Variants in NR2E1 observed in about 807,000 individuals in gnomAD.
NR2E1 encodes the protein nuclear receptor subfamily 2 group E member 1, also known as nuclear receptor TLX.
NR2E1 carries 5 observed loss-of-function variants against 43.6 expected under a neutral mutation model. That is an observed-to-expected ratio of 0.11 (90% CI 0.06 to 0.24). The LOEUF is 0.24. Ranked by LOEUF, NR2E1 falls within the 10% of genes least tolerant of loss-of-function variation. NR2E1 has a pLI of 1.00. For synonymous variants in NR2E1, 191 were observed against 195.5 expected (o/e 0.98, Z 0.19); for missense variants, 287 against 496.7 (o/e 0.58, Z 4.01).
intron 1 of NR2E1, chr6:108,168,963 T>C (rs1001775925): frequency 6.6e-6 from 1 of 152,240 alleles, no homozygotes; most frequent in East Asian, 1.9e-4. Context: ...TTTAGGCAAT[T>C]ATGACACACA....
At position 108,166,603 on chromosome 6, in the gene NR2E1, G is replaced by T. The variant is rs907740313; in HGVS notation, c.-163G>T. The T allele has an allele frequency of 1.6e-5, 9 of 548,296 alleles. No homozygotes were observed. Among genetic ancestry groups the T allele is most frequent in the African/African-American group, 1.4e-4 (7 of 49,096 alleles). The allele number at this position is 548,296 out of a possible 1,614,324, so 34.0% of individuals were successfully genotyped here. A position where few individuals can be genotyped will look rare whatever the true frequency, so the allele number is the denominator to read the frequency against. ...TTCCACTGTTGGACGAATTCTGAGCGCCCAGGGAGCAGCGCAGCGCGCGAC... is the reference window on the plus strand; with the variant it reads ...TTCCACTGTTGGACGAATTCTGAGCTCCCAGGGAGCAGCGCAGCGCGCGAC... On this transcript the variant is annotated 5_prime_UTR_variant, in exon 1 of 9. Coordinates refer to ENST00000368986, the MANE Select transcript of NR2E1 (RefSeq NM_003269.5). This position sits in a 1 kb window ranked among gnomAD's most constrained non-coding sequence, Gnocchi z 7.2.
At chr6:108,171,708 C>G in intron 2 of NR2E1, 105 bp downstream of exon 2, 1 of 1,401,754 alleles carries the variant, frequency 7.1e-7, no homozygotes, top group Non-Finnish European at 1.0e-6. Context: ...AGGAGAGACC[C>G]GGCCCTGACC....
rs527581664 is a variant in NR2E1, at chr6:108,178,323, C to T, written c.642+82C>T. The T allele has an allele frequency of 8.1e-4, 1,169 of 1,446,280 alleles. 3 individuals are homozygous for T. The highest frequency in any genetic ancestry group is 5.6e-4 in the Non-Finnish European group (576 of 1,031,802). The allele number at this position is 1,446,280 out of a possible 1,614,324, so 89.6% of individuals were successfully genotyped here. A position where few individuals can be genotyped will look rare whatever the true frequency, so the allele number is the denominator to read the frequency against. On this transcript the variant is annotated intron_variant, in intron 5 of 8. Coordinates refer to ENST00000368986, the MANE Select transcript of NR2E1 (RefSeq NM_003269.5). ...CAGCCTTATAAAACTTCCTCTATCC[C>T]TGGGTAAACCACCCAAGGCAGGCAT...
Position 108,184,315 on chromosome 6 carries a change from G to A in NR2E1, c.995+2664G>A, listed in dbSNP as rs1487770965. Among the ~76,000 whole-genome samples, 10 of 152,292 alleles carry A rather than the reference G, an allele frequency of 6.6e-5. No homozygotes were observed. In the South Asian group the frequency reaches 1.5e-3, roughly 22 times the overall value. On this transcript the variant is annotated intron_variant, in intron 8 of 8. Transcript: ENST00000368986. ...TTAAGAACTTAAAAATGAGAAGGAC[G>A]TGGTATCCAGTTATTGATCCAGTCA...
At chr6:108,175,608 G>C (rs1437121293) in intron 3 of NR2E1, among the ~76,000 whole-genome samples, 1 of 152,198 alleles carries the variant, frequency 6.6e-6, no homozygotes, top group Non-Finnish European at 1.5e-5. Context: ...CCTGGAGCAC[G>C]GTCCGAGCTG....
At chr6:108,173,412 A>T (rs931731023) in intron 2 of NR2E1, among the ~76,000 whole-genome samples, 2 of 152,212 alleles carry the variant, frequency 1.3e-5, no homozygotes, top group Non-Finnish European at 2.9e-5. Context: ...GGACCCAAAA[A>T]TTATCTCCTT....
At chr6:108,176,851 G>C (rs1030276736) in intron 4 of NR2E1, 113 bp downstream of exon 4, 1 of 1,019,658 alleles carries the variant, frequency 9.8e-7, no homozygotes, top group South Asian at 1.6e-5. Context: ...AGAACTCCAG[G>C]GTGCTTGGCG....
Position 108,178,222 on chromosome 6 carries a change from C to T in NR2E1, c.623C>T (p.Thr208Met), listed in dbSNP as rs1341031729. Residue 208 changes from threonine to methionine, a missense_variant, in exon 5 of 9, where the codon ACG becomes ATG. By Grantham distance (81) the Thr-to-Met change is moderately conservative (BLOSUM62 -1). Coordinates refer to ENST00000368986, the MANE Select transcript of NR2E1 (RefSeq NM_003269.5). ...KWAKSVPAFS[T>M]LSLQDQLMLL... is the part of the protein sequence containing the mutation. ...GCTAAGAGTGTGCCAGCCTTCTCCA[C>T]GCTGTCTTTGCAAGACCAGGTATGA... 11 of 1,613,976 alleles carry T rather than the reference C, an allele frequency of 6.8e-6. No individual in the cohort carries two copies. The highest frequency in any genetic ancestry group is 3.3e-5 in the South Asian group (3 of 91,084).
intron 3 of NR2E1, among the ~76,000 whole-genome samples, chr6:108,175,180 G>A (rs1773876257): frequency 6.6e-6 from 1 of 152,148 alleles, no homozygotes; most frequent in African/African-American, 2.4e-5. Context: ...CACAGGCAGC[G>A]CTTGGGGGGA....
Position 108,176,656 on chromosome 6 carries a change from A to G in NR2E1, c.413A>G (p.Glu138Gly). The G allele has an allele frequency of 6.2e-7, 1 of 1,606,826 alleles. No homozygotes were observed. The highest frequency in any genetic ancestry group is 1.1e-5 in the South Asian group (1 of 90,610). Residue 138 changes from glutamate to glycine, a missense_variant, in exon 4 of 9, where the codon GAG (glutamate) becomes GGG (glycine). Coordinates refer to ENST00000368986, the MANE Select transcript of NR2E1 (RefSeq NM_003269.5). Reference sequence around the variant, plus strand: ...TTCTTCACCGCGGTCACGCAGCTGGAGCCGCACGGCCTGGAGCTGGCCGCG... The same window carrying G: ...TTCTTCACCGCGGTCACGCAGCTGGGGCCGCACGGCCTGGAGCTGGCCGCG... ...PAFFTAVTQL[E>G]PHGLELAAVS...
At position 108,185,532 on chromosome 6, in the gene NR2E1, T is replaced by C. The variant is rs1381485423; in HGVS notation, c.996-1769T>C. ...CTCAAGCAATTCTCCCACCTCTGCC[T>C]TCTGAGTATCTGGGACTACAGGTGC... On this transcript the variant is annotated intron_variant, in intron 8 of 8. Transcript: ENST00000368986. Among the ~76,000 whole-genome samples, 3 of 152,070 alleles carry C rather than the reference T, an allele frequency of 2.0e-5. No individual in the cohort carries two copies. The East Asian group carries it at 5.8e-4, about 29-fold the overall frequency.
rs373783447 is a variant in NR2E1 at position 108,185,379 on chromosome 6, AACAC to A, written c.996-1907_996-1904del. ...TTGATTAGTCAGACCTTCTCTCTCT[AACAC>A]ACACACACACACACGCACACACACA... On this transcript the variant is annotated intron_variant, in intron 8 of 8. Transcript: ENST00000368986. Among the ~76,000 whole-genome samples, 1,126 of 134,686 alleles carry A rather than the reference AACAC, an allele frequency of 8.4e-3. 12 individuals carry two copies. Among genetic ancestry groups the A allele is most frequent in the African/African-American group, 0.029 (976 of 34,212 alleles). The allele number at this position is 134,686 out of a possible 152,430, so 88.4% of individuals were successfully genotyped here.
chr6:108,175,383 C>T (rs1310194406), intron 3 of NR2E1, among the ~76,000 whole-genome samples: 2 of 152,226 alleles, frequency 1.3e-5, no homozygotes, highest in African/African-American at 4.8e-5. Flanking sequence ...CGCGAAAACG[C>T]GGAATTTCCA....
At chr6:108,168,398 A>T (rs1773749270) in intron 1 of NR2E1, among the ~76,000 whole-genome samples, 1 of 152,116 alleles carries the variant, frequency 6.6e-6, no homozygotes, top group Non-Finnish European at 1.5e-5. Flanking sequence ...GGGGCCCTTG[A>T]AAGGTGAGGC....
chr6:108,169,347 C>T lies in NR2E1; in HGVS notation c.26-2111C>T, dbSNP rs1306224371. Among the ~76,000 whole-genome samples the T allele has an allele frequency of 1.3e-5, 2 of 152,210 alleles. No individual in the cohort carries two copies. Among genetic ancestry groups the T allele is most frequent in the Admixed American group, 1.3e-4 (2 of 15,284 alleles). ...GGCGGGGGAATCCGAGGAGGGGCCCCCACCCTGCACTGGTCTTCCCTCCAC... is the reference window on the plus strand; with the variant it reads ...GGCGGGGGAATCCGAGGAGGGGCCCTCACCCTGCACTGGTCTTCCCTCCAC... On this transcript the variant is annotated intron_variant, in intron 1 of 8. Transcript: ENST00000368986. This position sits in a 1 kb window ranked among gnomAD's most constrained non-coding sequence, Gnocchi z 6.1.
chr6:108,174,805 G>A, intron 2 of NR2E1, 31 bp from the exon 3 acceptor site: 1 of 1,600,384 alleles, frequency 6.2e-7, no homozygotes, highest in Non-Finnish European at 8.6e-7. Flanking sequence ...AAAGGCCCTG[G>A]GGACCGCTGA....
intron 1 of NR2E1, 147 bp from the exon 2 acceptor site, chr6:108,171,311 A>G (rs1773807394): frequency 9.3e-6 from 8 of 861,050 alleles, no homozygotes; most frequent in Non-Finnish European, 1.5e-5. Flanking sequence ...TCACTTCATT[A>G]TTTGCTTTTA....
chr6:108,166,471 C>T lies in NR2E1; in HGVS notation c.-295C>T. 1 of 397,534 alleles carries T rather than the reference C, an allele frequency of 2.5e-6. No homozygotes were observed. The highest frequency in any genetic ancestry group is 4.4e-6 in the Non-Finnish European group (1 of 226,864). The allele number at this position is 397,534 out of a possible 1,614,324, so 24.6% of individuals were successfully genotyped here. On this transcript the variant is annotated 5_prime_UTR_variant, in exon 1 of 9. Coordinates refer to ENST00000368986, the MANE Select transcript of NR2E1 (RefSeq NM_003269.5). The surrounding 1 kb of genome is among the most constrained non-coding windows in gnomAD (Gnocchi z 7.2). ...CTGTTCTTCCTTCTTCCTCAGTCTT[C>T]CTGTCCATCTCTCCATCTGTCTGTC... is the stretch of plus-strand genomic sequence containing the variant.
intron 8 of NR2E1, among the ~76,000 whole-genome samples, chr6:108,184,203 A>C (rs1774038217): frequency 6.6e-6 from 1 of 152,224 alleles, no homozygotes; most frequent in Non-Finnish European, 1.5e-5. Context: ...TCTAAAAAAC[A>C]AACAAAAAAA....
Sources: gnomAD v4.1 joint callset for allele counts (sites outside exome capture counted in the v4.1 genomes callset) on GRCh38, gnomAD v4.1.1 for gene constraint, Gnocchi (gnomAD v3.1) non-coding constraint, MANE v1.5 for transcripts, NCBI Gene and HGNC (gene_info 2026-07-23, HGNC 2026-07-21) for gene names.